The following GSN variants were observed in gnomAD, a reference collection of about 807,000 sequenced individuals.
GSN encodes gelsolin, also known as actin-depolymerizing factor.
Under a neutral mutation model 85.7 loss-of-function variants are expected in GSN, and 56 were observed. That is an observed-to-expected ratio of 0.65 (90% CI 0.53 to 0.82). The LOEUF is 0.82. Among genes scored for constraint, GSN ranks in the 40% least tolerant of loss-of-function variants. The probability of loss-of-function intolerance (pLI) is 0.00; values close to 1 mark genes in which losing one functional copy is unlikely to be tolerated. For missense variants in GSN, 857 were observed against 979.8 expected (o/e 0.87, Z 1.67); for synonymous variants, 373 against 399.1 (o/e 0.93, Z 0.78).
At chr9:121,323,205 C>T (rs76574969) in intron 11 of GSN, among the ~76,000 whole-genome samples, 13,645 of 152,098 alleles carry the variant, frequency 0.09, 842 homozygotes, top group Non-Finnish European at 0.13. Context: ...ATAGTACAGA[C>T]AGTTCTCATA....
At chr9:121,234,779 T>C (rs2054460830) in intron 5 of GSN, among the ~76,000 whole-genome samples, 1 of 152,112 alleles carries the variant, frequency 6.6e-6, no homozygotes, top group South Asian at 2.1e-4. Context: ...AGCCCAGGAG[T>C]TAAAGTCTGC....
chr9:121,282,545 G>A, intron 2 of GSN: 1 of 1,251,732 alleles, frequency 8.0e-7, no homozygotes, highest in East Asian at 3.1e-5. Flanking sequence ...CTTTCCCAAA[G>A]CTCAGGTGAA....
intron 1 of GSN, among the ~76,000 whole-genome samples, chr9:121,277,336 G>A (rs888411708): frequency 6.6e-5 from 10 of 152,210 alleles, no homozygotes; most frequent in African/African-American, 2.4e-4. Flanking sequence ...ATCGCCTGGG[G>A]CTTTTGTTAA....
At chr9:121,257,652 C>T (rs889309252) in intron 6 of GSN, among the ~76,000 whole-genome samples, 7 of 152,198 alleles carry the variant, frequency 4.6e-5, no homozygotes, top group Admixed American at 3.9e-4. Context: ...AGGCAGATCA[C>T]TTGAGGTCAG....
At chr9:121,262,300 C>G (rs1258046946) in intron 6 of GSN, among the ~76,000 whole-genome samples, 1 of 152,204 alleles carries the variant, frequency 6.6e-6, no homozygotes, top group Non-Finnish European at 1.5e-5. Context: ...CCCAGCTCTA[C>G]CACTCACCTA....
At chr9:121,207,163 A>G (rs553119817), upstream of GSN, among the ~76,000 whole-genome samples, 25 of 152,234 alleles carry the variant, frequency 1.6e-4, no homozygotes, top group Non-Finnish European at 3.2e-4. Context: ...TAAAGTGATG[A>G]TGAAGGTGCT....
chr9:121,273,950 G>C (rs1410750857), intron 1 of GSN, among the ~76,000 whole-genome samples: 1 of 152,188 alleles, frequency 6.6e-6, no homozygotes, highest in Non-Finnish European at 1.5e-5. Flanking sequence ...CATAAATACA[G>C]AGAGAATAAT....
intron 4 of GSN, among the ~76,000 whole-genome samples, chr9:121,225,098 C>A (rs1159115973): frequency 1.3e-5 from 2 of 152,178 alleles, no homozygotes; most frequent in African/African-American, 2.4e-5. Context: ...GGATTACAGG[C>A]ATGAGCTACC....
At position 121,288,530 on chromosome 9, in the gene GSN, A is replaced by G. The variant is rs74994122; in HGVS notation, c.-10+6968A>G. ...CAGCTTCTTAGATTAAGCATCTTAC[A>G]TGCATTACCTACTTTAATCCTCGGT... On this transcript the variant is annotated intron_variant, in intron 2 of 17. Coordinates refer to ENST00000432226, the MANE Select transcript of GSN (RefSeq NM_198252.3). 6.2e-3 allele frequency among the ~76,000 whole-genome samples: 949 copies of G among 152,314 alleles called. 10 individuals carry two copies. Among genetic ancestry groups the G allele is most frequent in the African/African-American group, 0.022 (910 of 41,560 alleles).
chr9:121,239,310 A>G, intron 5 of GSN: 1 of 398,490 alleles, frequency 2.5e-6, no homozygotes, highest in Non-Finnish European at 4.9e-6. Context: ...GAACCGGGTG[A>G]GGGATGGCAA....
chr9:121,216,327 T>C (rs560148346), intron 4 of GSN, among the ~76,000 whole-genome samples: 2 of 152,310 alleles, frequency 1.3e-5, no homozygotes, highest in African/African-American at 4.8e-5. Flanking sequence ...ACTCCCATGC[T>C]TAGTAACCCT....
intron 11 of GSN, 71 bp downstream of exon 11, chr9:121,321,472 CTG>C: frequency 6.6e-7 from 1 of 1,514,586 alleles, no homozygotes; most frequent in East Asian, 2.3e-5. Flanking sequence ...TGAAGACAAA[CTG>C]AGGGTGTGAG....
upstream of GSN, chr9:121,268,105 C>A (rs1008971542): frequency 1.2e-3 from 176 of 151,646 alleles, no homozygotes; most frequent in African/African-American, 3.9e-3. Flanking sequence ...GGGCGGCTCC[C>A]GCCCGCGCCC....
At chr9:121,306,695 A>G (rs1159142302) in intron 4 of GSN, among the ~76,000 whole-genome samples, 1 of 152,270 alleles carries the variant, frequency 6.6e-6, no homozygotes, top group East Asian at 1.9e-4. Flanking sequence ...AGTGCTAAAG[A>G]TGATAGTCAA....
chr9:121,331,703 T>G (rs1431539266), intron 17 of GSN: 2 of 418,484 alleles, frequency 4.8e-6, no homozygotes, highest in Non-Finnish European at 4.3e-6. Flanking sequence ...AAGGGACAGA[T>G]GAGAAGTCAC....
At chr9:121,241,003 C>A (rs557924936) in intron 5 of GSN, among the ~76,000 whole-genome samples, 1 of 152,166 alleles carries the variant, frequency 6.6e-6, no homozygotes, top group Admixed American at 6.5e-5. Context: ...ATCTTGAAAA[C>A]AAGGGAATCA....
rs2059586282 is a variant in GSN, at chr9:121,299,750, G to A, written c.-9-2213G>A. 2.7e-6 allele frequency: 3 copies of A among 1,127,696 alleles called. No homozygotes were observed. Among genetic ancestry groups the A allele is most frequent in the South Asian group, 6.0e-5 (2 of 33,548 alleles). 69.9% of individuals were successfully genotyped at this position (1,127,696 alleles called of 1,614,324 possible). ...AAGATCCGAGACAGATCCCCGCCCC[G>A]CGCCCTCCCTGGGGGGCGGTCCCCG... On this transcript the variant is annotated intron_variant, in intron 2 of 17. Coordinates refer to ENST00000432226, the MANE Select transcript of GSN (RefSeq NM_198252.3). The surrounding 1 kb of genome is among the most constrained non-coding windows in gnomAD (Gnocchi z 4.2).
intron 5 of GSN, among the ~76,000 whole-genome samples, chr9:121,245,885 TA>T: frequency 6.6e-6 from 1 of 152,176 alleles, no homozygotes; most frequent in Non-Finnish European, 1.5e-5. Context: ...CTTGAGTAGC[TA>T]GGACTACAGA....
intron 1 of GSN, among the ~76,000 whole-genome samples, chr9:121,270,891 G>T (rs2132367595): frequency 6.6e-6 from 1 of 152,256 alleles, no homozygotes; most frequent in Admixed American, 6.5e-5. Flanking sequence ...TCCTGTGTCT[G>T]CGGCCTCTGG....
Sources: gnomAD v4.1 joint callset for allele counts (sites outside exome capture counted in the v4.1 genomes callset) on GRCh38, gnomAD v4.1.1 for gene constraint, Gnocchi (gnomAD v3.1) non-coding constraint, MANE v1.5 for transcripts, NCBI Gene and HGNC (gene_info 2026-07-23, HGNC 2026-07-21) for gene names.